Variants in SEMA5A observed in about 807,000 individuals in gnomAD.
The protein encoded by SEMA5A is semaphorin-5A.
Under a neutral mutation model 135.5 loss-of-function variants are expected in SEMA5A, and 55 were observed. The observed-to-expected ratio is 0.41, with a 90% CI of 0.33 to 0.51. The LOEUF (loss-of-function observed/expected upper bound fraction) is 0.51, where lower values mean the gene tolerates loss of function less well. SEMA5A is among the 20% of genes least tolerant of loss of function. SEMA5A has a pLI of 0.37. For synonymous variants in SEMA5A, 580 were observed against 546.5 expected (o/e 1.06, Z -0.85); for missense variants, 1,290 against 1,419.9 (o/e 0.91, Z 1.47).
intron 4 of SEMA5A, among the ~76,000 whole-genome samples, chr5:9,329,910 T>C (rs1477495343): frequency 2.6e-5 from 4 of 152,238 alleles, no homozygotes; most frequent in South Asian, 2.1e-4. Flanking sequence ...AGATTACTTA[T>C]ATCGAGCACA....
chr5:9,463,584 T>C (rs996229794), intron 1 of SEMA5A, among the ~76,000 whole-genome samples: 1 of 152,142 alleles, frequency 6.6e-6, no homozygotes, highest in African/African-American at 2.4e-5. Flanking sequence ...AAAACTCTGG[T>C]GCTAAAAATG....
At chr5:9,349,758 C>G (rs1019593585) in intron 3 of SEMA5A, among the ~76,000 whole-genome samples, 1 of 151,972 alleles carries the variant, frequency 6.6e-6, no homozygotes, top group African/African-American at 2.4e-5. Flanking sequence ...AAAAATTAGT[C>G]AGGCATGGTG....
chr5:9,391,593 C>G (rs1005842346), intron 2 of SEMA5A, among the ~76,000 whole-genome samples: 9 of 152,146 alleles, frequency 5.9e-5, no homozygotes, highest in African/African-American at 2.2e-4. Context: ...CACTCTAAAC[C>G]ATAAGCAAAT....
intron 1 of SEMA5A, among the ~76,000 whole-genome samples, chr5:9,481,077 C>T (rs190263927): frequency 3.3e-4 from 50 of 152,002 alleles, no homozygotes; most frequent in Non-Finnish European, 6.6e-4. Flanking sequence ...TCCTGAGTAG[C>T]GGGGATTACA....
intron 4 of SEMA5A, among the ~76,000 whole-genome samples, chr5:9,318,750 T>C (rs1579335945): frequency 6.6e-6 from 1 of 152,240 alleles, no homozygotes; most frequent in East Asian, 1.9e-4. Flanking sequence ...CTCTTTTACT[T>C]AAGATGATGT....
chr5:9,110,568 A>G (rs1740185162), intron 15 of SEMA5A, among the ~76,000 whole-genome samples: 1 of 152,224 alleles, frequency 6.6e-6, no homozygotes, highest in Non-Finnish European at 1.5e-5. Context: ...ATAGAAAACA[A>G]AACAAAAACA....
At chr5:9,473,210 A>T (rs1759541507) in intron 1 of SEMA5A, among the ~76,000 whole-genome samples, 1 of 143,456 alleles carries the variant, frequency 7.0e-6, no homozygotes. Flanking sequence ...TAAAATAAGA[A>T]AAAAAAAAAG....
intron 13 of SEMA5A, among the ~76,000 whole-genome samples, chr5:9,127,978 C>T (rs2150198523): frequency 6.6e-6 from 1 of 152,274 alleles, no homozygotes; most frequent in Non-Finnish European, 1.5e-5. Flanking sequence ...AGTTCCAGTC[C>T]ACGTGATTCC....
intron 12 of SEMA5A, among the ~76,000 whole-genome samples, chr5:9,139,654 T>A (rs972986732): frequency 7.2e-5 from 11 of 152,240 alleles, no homozygotes; most frequent in African/African-American, 2.7e-4. Context: ...ATTTTTGCAT[T>A]AAAATGCAGC....
At chr5:9,539,357 C>T (rs907199595) in intron 1 of SEMA5A, among the ~76,000 whole-genome samples, 1 of 152,212 alleles carries the variant, frequency 6.6e-6, no homozygotes, top group Non-Finnish European at 1.5e-5. Flanking sequence ...ACCTATTCTT[C>T]TGTTTCAACT....
At chr5:9,543,620 T>A (rs996152620) in intron 1 of SEMA5A, among the ~76,000 whole-genome samples, 1 of 152,194 alleles carries the variant, frequency 6.6e-6, no homozygotes, top group African/African-American at 2.4e-5. Context: ...TTCTCCCTGT[T>A]AATAAAAGTA....
chr5:9,117,464 G>A (rs931217253), intron 15 of SEMA5A, among the ~76,000 whole-genome samples: 1 of 152,188 alleles, frequency 6.6e-6, no homozygotes, highest in Admixed American at 6.5e-5. Flanking sequence ...TATATATAAT[G>A]AGATATCTTG....
chr5:9,162,528 A>G (rs1488503152), intron 11 of SEMA5A, among the ~76,000 whole-genome samples: 2 of 78,470 alleles, frequency 2.5e-5, no homozygotes, highest in South Asian at 3.4e-4. Flanking sequence ...GTATATGTGT[A>G]TATATATGTA....
chr5:9,292,324 CA>C (rs1314478267), intron 5 of SEMA5A, among the ~76,000 whole-genome samples: 2 of 152,082 alleles, frequency 1.3e-5, no homozygotes, highest in Non-Finnish European at 2.9e-5. Context: ...ACAGTTATAA[CA>C]ATATGTTAAC....
chr5:9,340,026 T>C (rs997378443), intron 3 of SEMA5A, among the ~76,000 whole-genome samples: 1 of 152,060 alleles, frequency 6.6e-6, no homozygotes, highest in Non-Finnish European at 1.5e-5. Context: ...AAAACAGTGA[T>C]GACTGAGACA....
chr5:9,203,975 G>A (rs1366325082), intron 8 of SEMA5A, among the ~76,000 whole-genome samples: 1 of 151,658 alleles, frequency 6.6e-6, no homozygotes, highest in Non-Finnish European at 1.5e-5. Flanking sequence ...ATACTGGGTG[G>A]TGGGTGGGGG....
chr5:9,046,775 G>GC (rs1025204788), intron 21 of SEMA5A, among the ~76,000 whole-genome samples: 4 of 152,304 alleles, frequency 2.6e-5, no homozygotes, highest in South Asian at 4.1e-4. Context: ...AGCTGGATCT[G>GC]CCCCTTCGGG....
At chr5:9,483,344 C>T (rs1561288729) in intron 1 of SEMA5A, among the ~76,000 whole-genome samples, 2 of 152,136 alleles carry the variant, frequency 1.3e-5, no homozygotes, top group Non-Finnish European at 2.9e-5. Flanking sequence ...GATTTCTCGT[C>T]CTATCTGCAT....
At position 9,220,089 on chromosome 5, in the gene SEMA5A, G is replaced by C. The variant is rs1269486485; in HGVS notation, c.646+4585C>G. ...AGGAGCTGGAGATCATTATTCCAAG[G>C]GGAGTAATTCAAGAATGGAAAACCA... On this transcript the variant is annotated intron_variant, in intron 8 of 22. Transcript: ENST00000382496. 2.0e-5 allele frequency among the ~76,000 whole-genome samples: 3 copies of C among 152,192 alleles called. No individual in the cohort carries two copies. The East Asian group carries it at 5.8e-4, about 29-fold the overall frequency.
Sources: allele counts gnomAD v4.1 joint callset (sites outside exome capture counted in the v4.1 genomes callset), GRCh38; gene constraint gnomAD v4.1.1; transcripts MANE v1.5; gene names NCBI Gene and HGNC (gene_info 2026-07-23, HGNC 2026-07-21).